The following BBC3 variants were observed in gnomAD, a reference collection of about 807,000 sequenced individuals.
BBC3 encodes the protein BCL2 binding component 3, also known as bcl-2-binding component 3.
A neutral mutation model predicts 18.2 loss-of-function variants in BBC3; 5 were observed. The ratio of observed to expected loss-of-function variants is 0.27; its 90% confidence interval spans 0.14 to 0.58. BBC3 has a LOEUF of 0.58. Among genes scored for constraint, BBC3 ranks in the 20% least tolerant of loss-of-function variants. The pLI is 0.91. For synonymous variants in BBC3, 119 were observed against 128.0 expected (o/e 0.93, Z 0.47); for missense variants, 224 against 268.9 (o/e 0.83, Z 1.17).
intron 3 of BBC3, among the ~76,000 whole-genome samples, chr19:47,226,273 C>T (rs1434170563): frequency 6.6e-6 from 1 of 151,800 alleles, no homozygotes; most frequent in Non-Finnish European, 1.5e-5. Flanking sequence ...GCGCCGCCCT[C>T]AGTCCCCGCG....
chr19:47,231,315 G>A, upstream of BBC3: 1 of 622,234 alleles, frequency 1.6e-6, no homozygotes, highest in Non-Finnish European at 2.0e-6. The surrounding 1 kb of genome is among the most constrained non-coding windows in gnomAD (Gnocchi z 4.0). Context: ...CCGCCCGCCC[G>A]CCGCGGACAA....
At position 47,230,849 on chromosome 19, in the gene BBC3, G is replaced by A. The variant is rs560181757; in HGVS notation, c.-16+80C>T. ...AGGGCGCCCACACTGCTCTCCGCCT[G>A]CACTCCTGTCACCTCCTCCAGGGAG... On this transcript the variant is annotated intron_variant, in intron 1 of 3. Transcript: ENST00000439096. The surrounding 1 kb of genome is among the most constrained non-coding windows in gnomAD (Gnocchi z 6.7). 2 of 983,460 alleles carry A rather than the reference G, an allele frequency of 2.0e-6. No individual in the cohort carries two copies. Among genetic ancestry groups the A allele is most frequent in the East Asian group, 2.3e-4 (2 of 8,754 alleles). 60.9% of individuals were successfully genotyped at this position (983,460 alleles called of 1,614,324 possible).
rs116590103 is a variant in BBC3, at chr19:47,221,157, C to T, written c.*645G>A. The T allele has an allele frequency of 3.7e-3, 595 of 162,708 alleles. 5 individuals carry two copies. The highest frequency in any genetic ancestry group is 0.014 in the African/African-American group (564 of 41,604). The allele number at this position is 162,708 out of a possible 1,614,324, so 10.1% of individuals were successfully genotyped here. A position where few individuals can be genotyped will look rare whatever the true frequency, so the allele number is the denominator to read the frequency against. The stretch of plus-strand genomic sequence containing the variant: ...GGATTGATGGGGCGGGGGGCGGTCA[C>T]GGGCAGAGCACAGGATTCACAGTCT... On this transcript the variant is annotated 3_prime_UTR_variant, in exon 4 of 4. Coordinates refer to ENST00000439096, the MANE Select transcript of BBC3 (RefSeq NM_014417.5).
Position 47,221,537 on chromosome 19 carries a change from T to G in BBC3, c.*265A>C, listed in dbSNP as rs1200407491. 11 of 582,104 alleles carry G rather than the reference T, an allele frequency of 1.9e-5. No individual in the cohort carries two copies. Among genetic ancestry groups the G allele is most frequent in the Non-Finnish European group, 2.8e-5 (10 of 363,382 alleles). The allele number at this position is 582,104 out of a possible 1,614,324, so 36.1% of individuals were successfully genotyped here. Reference sequence around the variant, plus strand: ...GGCGGCTCAGTCCCCACCCCCTCGGTCACCGCCACCTTCCGATGCTGAGTC... The same window carrying G: ...GGCGGCTCAGTCCCCACCCCCTCGGGCACCGCCACCTTCCGATGCTGAGTC... On this transcript the variant is annotated 3_prime_UTR_variant, in exon 4 of 4. Coordinates refer to ENST00000439096, the MANE Select transcript of BBC3 (RefSeq NM_014417.5).
At chr19:47,232,325 T>C (rs1427435198), upstream of BBC3, among the ~76,000 whole-genome samples, 2 of 152,214 alleles carry the variant, frequency 1.3e-5, no homozygotes, top group Admixed American at 1.3e-4. Context: ...CACTCTAGCC[T>C]GGGCAACAAG....
At chr19:47,231,303 C>CCCCG (rs1033842395), upstream of BBC3, 36 of 669,136 alleles carry the variant, frequency 5.4e-5, no homozygotes, top group Middle Eastern at 7.7e-4. This position sits in a 1 kb window ranked among gnomAD's most constrained non-coding sequence, Gnocchi z 4.0. Flanking sequence ...GACGCTACGG[C>CCCCG]CCCGCCCGCC....
chr19:47,226,354 C>G (rs2058820692), intron 3 of BBC3, among the ~76,000 whole-genome samples: 1 of 151,938 alleles, frequency 6.6e-6, no homozygotes, highest in Admixed American at 6.6e-5. Flanking sequence ...GGCCCTGGCT[C>G]GGGCTCCGGC....
At position 47,223,566 on chromosome 19, in the gene BBC3, C is replaced by CA. The variant is rs879458155; in HGVS notation, c.466-1649dup. Among the ~76,000 whole-genome samples, 296 of 151,084 alleles carry CA rather than the reference C, an allele frequency of 2.0e-3. 1 individual carries two copies. Among genetic ancestry groups the CA allele is most frequent in the African/African-American group, 6.6e-3 (271 of 41,222 alleles). ...TGGGCAACAGAGCAAGACTCCGTGT[C>CA]AAAAAAAAAATTTTTTTTAAGTGTA... On this transcript the variant is annotated intron_variant, in intron 3 of 3. Transcript: ENST00000439096.
chr19:47,231,221 G>C, upstream of BBC3: 3 of 981,356 alleles, frequency 3.1e-6, no homozygotes, highest in Non-Finnish European at 3.6e-6. The surrounding 1 kb of genome is among the most constrained non-coding windows in gnomAD (Gnocchi z 4.0). Context: ...CGGATCCCGG[G>C]CCCGCTCCAA....
chr19:47,222,153 T>C (rs2058759568), intron 3 of BBC3: 2 of 468,678 alleles, frequency 4.3e-6, no homozygotes. Flanking sequence ...ACCAAGCGAG[T>C]GCGTGGCACA....
Position 47,221,912 on chromosome 19 carries a change from C to G in BBC3, c.472G>C (p.Glu158Gln), listed in dbSNP as rs2058757027. The change falls in exon 4 of 4, where the codon GAG becomes CAG. Residue 158 changes from glutamate (E) to glutamine (Q), a missense_variant. Physicochemically the swap from Glu to Gln is conservative, Grantham distance 29 (BLOSUM62 2). Coordinates refer to ENST00000439096, the MANE Select transcript of BBC3 (RefSeq NM_014417.5). ...GAGGGGCGGTGCCGCTGCTGCTCCT[C>G]TTGTCTCTGGGGAAAAGAGAGAGAA... Reference protein sequence around the residue: ...LNAQYERRRQEEQQRHRPSPW... With the variant: ...LNAQYERRRQQEQQRHRPSPW... 4.4e-6 allele frequency: 7 copies of G among 1,603,030 alleles called. No homozygotes were observed. The highest frequency in any genetic ancestry group is 1.3e-5 in the African/African-American group (1 of 74,366).
chr19:47,231,208 C>T, upstream of BBC3: 1 of 982,204 alleles, frequency 1.0e-6, no homozygotes, highest in Non-Finnish European at 1.2e-6. The surrounding 1 kb of genome is among the most constrained non-coding windows in gnomAD (Gnocchi z 4.0). Flanking sequence ...TCAGGCCGCC[C>T]GGCGGATCCC....
In BBC3 at chr19:47,228,077, T is replaced by A; in HGVS notation, c.274+81A>T. 9.0e-7 allele frequency: 1 copy of A among 1,112,652 alleles called. No individual in the cohort carries two copies. Among genetic ancestry groups the A allele is most frequent in the Non-Finnish European group, 1.1e-6 (1 of 886,308 alleles). The allele number at this position is 1,112,652 out of a possible 1,614,324, so 68.9% of individuals were successfully genotyped here. A position where few individuals can be genotyped will look rare whatever the true frequency, so the allele number is the denominator to read the frequency against. On this transcript the variant is annotated intron_variant, in intron 2 of 3. Coordinates refer to ENST00000439096, the MANE Select transcript of BBC3 (RefSeq NM_014417.5). This position sits in a 1 kb window ranked among gnomAD's most constrained non-coding sequence, Gnocchi z 5.5. Reference sequence around the variant, plus strand: ...GGGCCCGCCACCTCCCCCCGTCCTCTCCCACTTCTCCAGTTCCTCCGAGTC... The same window carrying A: ...GGGCCCGCCACCTCCCCCCGTCCTCACCCACTTCTCCAGTTCCTCCGAGTC...
rs922765062 is a variant in BBC3 at position 47,230,508 on chromosome 19, C to T, written c.-16+421G>A. 4.0e-5 allele frequency among the ~76,000 whole-genome samples: 6 copies of T among 151,130 alleles called. No homozygotes were observed. The highest frequency in any genetic ancestry group is 2.6e-4 in the Admixed American group (4 of 15,184). ...CCCCGCCCGCAGGAGCCGCAGACTC[C>T]ACGGCCCGCGAGCCGCCCCCCGTCG... On this transcript the variant is annotated intron_variant, in intron 1 of 3. Transcript: ENST00000439096. The surrounding 1 kb of genome is among the most constrained non-coding windows in gnomAD (Gnocchi z 6.7).
chr19:47,228,281 G>A lies in BBC3; in HGVS notation c.151C>T (p.Pro51Ser). Residue 51 changes from proline (P) to serine (S), a missense_variant, in exon 2 of 4, where the codon CCC (proline) becomes TCC (serine). Physicochemically the swap from Pro to Ser is moderately conservative, Grantham distance 74 (BLOSUM62 -1). Transcript: ENST00000439096. The surrounding 1 kb of genome is among the most constrained non-coding windows in gnomAD (Gnocchi z 5.5). ...EPGLAAAPAAPTLLPAAYLCA... is the reference protein window; with the variant it reads ...EPGLAAAPAASTLLPAAYLCA... ...AGGTAGGCAGCGGGCAGCAGGGTGGGGGCGGCGGGGGCGGCAGCCAGGCCG... is the reference window on the plus strand; with the variant it reads ...AGGTAGGCAGCGGGCAGCAGGGTGGAGGCGGCGGGGGCGGCAGCCAGGCCG... The A allele has an allele frequency of 2.5e-6, 3 of 1,216,958 alleles. No homozygotes were observed. Among genetic ancestry groups the A allele is most frequent in the Non-Finnish European group, 2.0e-6 (2 of 978,254 alleles). The allele number at this position is 1,216,958 out of a possible 1,614,324, so 75.4% of individuals were successfully genotyped here.
At chr19:47,223,776 C>T (rs1356594706) in intron 3 of BBC3, among the ~76,000 whole-genome samples, 1 of 152,048 alleles carries the variant, frequency 6.6e-6, no homozygotes, top group African/African-American at 2.4e-5. Context: ...GCCCAGCCTC[C>T]TCAACACTCC....
chr19:47,228,587 A>C lies in BBC3; in HGVS notation c.-15-141T>G. The stretch of plus-strand genomic sequence containing the variant: ...GAGGGGGTGACGGCCCCACAGAGAC[A>C]CGCCCAGCCGGGGGATGACACCACC... On this transcript the variant is annotated intron_variant, in intron 1 of 3. Transcript: ENST00000439096. This position sits in a 1 kb window ranked among gnomAD's most constrained non-coding sequence, Gnocchi z 5.5. 3 of 874,298 alleles carry C rather than the reference A, an allele frequency of 3.4e-6. No individual in the cohort carries two copies. The highest frequency in any genetic ancestry group is 3.4e-5 in the East Asian group (1 of 29,650). 54.2% of individuals were successfully genotyped at this position (874,298 alleles called of 1,614,324 possible).
At chr19:47,231,714 CACTA>C (rs1286639899), upstream of BBC3, among the ~76,000 whole-genome samples, 1 of 152,142 alleles carries the variant, frequency 6.6e-6, no homozygotes, top group African/African-American at 2.4e-5. The surrounding 1 kb of genome is among the most constrained non-coding windows in gnomAD (Gnocchi z 4.0). Context: ...TGCACAGACT[CACTA>C]ACAGGGTCCC....
At chr19:47,231,233 G>GCCGCCCCGC, upstream of BBC3, 2 of 976,386 alleles carry the variant, frequency 2.0e-6, no homozygotes, top group Non-Finnish European at 2.4e-6. This position sits in a 1 kb window ranked among gnomAD's most constrained non-coding sequence, Gnocchi z 4.0. Context: ...CCGCTCCAAA[G>GCCGCCCCGC]CCGCCCCGCC....
Sources: gnomAD v4.1 joint callset for allele counts (sites outside exome capture counted in the v4.1 genomes callset) on GRCh38, gnomAD v4.1.1 for gene constraint, Gnocchi (gnomAD v3.1) non-coding constraint, MANE v1.5 for transcripts, NCBI Gene and HGNC (gene_info 2026-07-23, HGNC 2026-07-21) for gene names.